HEBP2: variants seen among roughly 807,000 people sequenced by gnomAD.
HEBP2 encodes heme binding protein 2.
HEBP2 carries 27 observed loss-of-function variants against 23.1 expected under a neutral mutation model. The ratio of observed to expected loss-of-function variants is 1.17; its 90% CI spans 0.86 to 1.61. The LOEUF (loss-of-function observed/expected upper bound fraction) is 1.61. Ranked by LOEUF, HEBP2 falls within the 40% of genes most tolerant of loss-of-function variation. The probability of loss-of-function intolerance (pLI) is 0.00; values close to 1 mark genes in which losing one functional copy is unlikely to be tolerated. For missense variants in HEBP2, 245 were observed against 253.8 expected, an observed-to-expected ratio of 0.97 and a Z score of 0.24; for synonymous variants, 99 against 95.1, an observed-to-expected ratio of 1.04 and a Z score of -0.24.
intron 3 of HEBP2, among the ~76,000 whole-genome samples, chr6:138,407,413 T>C (rs1386005187): frequency 1.3e-5 from 2 of 152,238 alleles, no homozygotes; most frequent in Non-Finnish European, 2.9e-5. Flanking sequence ...TTAATTTTCT[T>C]TGACTCAAAG....
rs1270331489 is a variant in HEBP2 at position 138,421,463 on chromosome 6, GA to G, written c.*8386del. The G allele has an allele frequency of 6.6e-6, 1 of 152,208 alleles. No homozygotes were observed. The highest frequency in any genetic ancestry group is 2.4e-5 in the African/African-American group (1 of 41,450). 9.4% of individuals were successfully genotyped at this position (152,208 alleles called of 1,614,324 possible). A position where few individuals can be genotyped will look rare whatever the true frequency, so the allele number is the denominator to read the frequency against. The stretch of plus-strand genomic sequence containing the variant: ...AGGATGGCAGAAAGCAGATCGCATT[GA>G]GGTTGTTTCCAACTGACAGACCAAG... On this transcript the variant is annotated 3_prime_UTR_variant, in exon 4 of 4. Coordinates refer to ENST00000607197, the MANE Select transcript of HEBP2 (RefSeq NM_014320.3).
chr6:138,411,666 C>A (rs1249102642), intron 3 of HEBP2, among the ~76,000 whole-genome samples: 5 of 152,180 alleles, frequency 3.3e-5, no homozygotes, highest in African/African-American at 1.2e-4. Flanking sequence ...TGTTTAAAAC[C>A]CTTCTCAGAG....
intron 3 of HEBP2, chr6:138,412,130 G>A (rs1339943659): frequency 2.3e-6 from 1 of 432,112 alleles, no homozygotes; most frequent in Non-Finnish European, 4.6e-6. Context: ...GTCTGGAAAA[G>A]GGGCTTCTAC....
intron 3 of HEBP2, among the ~76,000 whole-genome samples, chr6:138,409,814 T>A (rs1350557473): frequency 6.6e-6 from 1 of 152,206 alleles, no homozygotes; most frequent in East Asian, 1.9e-4. Context: ...TCACCCTTCA[T>A]GTAACATGCC....
upstream of HEBP2, chr6:138,404,154 C>T (rs555693188): frequency 5.4e-5 from 13 of 239,224 alleles, no homozygotes; most frequent in Middle Eastern, 2.4e-3. Flanking sequence ...TGTGCCTTTC[C>T]TTCAAAAACA....
Position 138,418,591 on chromosome 6 carries a change from A to G in HEBP2, c.*5513A>G, listed in dbSNP as rs1323372932. 6.6e-6 allele frequency: 1 copy of G among 152,308 alleles called. No individual in the cohort carries two copies. The highest frequency in any genetic ancestry group is 1.5e-5 in the Non-Finnish European group (1 of 68,116). The allele number at this position is 152,308 out of a possible 1,614,324, so 9.4% of individuals were successfully genotyped here. On this transcript the variant is annotated 3_prime_UTR_variant, in exon 4 of 4. Transcript: ENST00000607197. ...GCAGTTCCAAGCCAGACCAGAGGAC[A>G]TAAGCAAACTGCAAGAGCAATTACT...
rs1774802094 is a variant in HEBP2 at position 138,414,141 on chromosome 6, G to A, written c.*1063G>A. 6.6e-6 allele frequency: 1 copy of A among 152,452 alleles called. No individual in the cohort carries two copies. The highest frequency in any genetic ancestry group is 2.4e-5 in the African/African-American group (1 of 41,430). 9.4% of individuals were successfully genotyped at this position (152,452 alleles called of 1,614,324 possible). ...GATGAAAGCCAGGGGCAGAGGTGAG[G>A]GGAGCATCTTGGGCAGAGGTGACAG... On this transcript the variant is annotated 3_prime_UTR_variant, in exon 4 of 4. Coordinates refer to ENST00000607197, the MANE Select transcript of HEBP2 (RefSeq NM_014320.3).
Position 138,404,542 on chromosome 6 carries a change from C to A in HEBP2, c.47C>A (p.Ala16Glu). The change falls in exon 1 of 4, where the codon GCG becomes GAG. Residue 16 changes from alanine to glutamate, a missense_variant. Transcript: ENST00000607197. The part of the protein sequence containing the change: ...QPDPGAAEDA[A>E]AQAVETPGWK... ...GACCCCGGGGCGGCCGAGGACGCGG[C>A]GGCCCAAGCTGTGGAGACGCCGGGC... The A allele has an allele frequency of 7.7e-7, 1 of 1,301,942 alleles. No homozygotes were observed. The highest frequency in any genetic ancestry group is 2.9e-4 in the Middle Eastern group (1 of 3,422). 80.6% of individuals were successfully genotyped at this position (1,301,942 alleles called of 1,614,324 possible).
Position 138,405,176 on chromosome 6 carries a change from C to A in HEBP2, c.134C>A (p.Pro45Gln). 6.2e-7 allele frequency: 1 copy of A among 1,613,730 alleles called. No individual in the cohort carries two copies. Among genetic ancestry groups the A allele is most frequent in the Non-Finnish European group, 8.5e-7 (1 of 1,179,890 alleles). ...AGTTATGAGATCCGACACTATGGAC[C>A]AGCCAAGTGGGTCAGCACGTCCGTG... The part of the protein sequence containing the change: ...PGSYEIRHYG[P>Q]AKWVSTSVES... Residue 45 changes from proline to glutamine, a missense_variant, in exon 2 of 4, where the codon CCA becomes CAA. Physicochemically the swap from Pro to Gln is moderately conservative, Grantham distance 76. Transcript: ENST00000607197.
Position 138,406,147 on chromosome 6 carries a change from G to T in HEBP2, c.415G>T (p.Val139Leu), listed in dbSNP as rs1774641743. ...IEDRAEMTVF[V>L]RSFDGFSSAQ... ...AGATAGAGCCGAAATGACTGTGTTTGTACGGTAAGTGGTAGATAATTTATA... is the reference window on the plus strand; with the variant it reads ...AGATAGAGCCGAAATGACTGTGTTTTTACGGTAAGTGGTAGATAATTTATA... The change falls in exon 3 of 4, where the codon GTA (valine) becomes TTA (leucine). Residue 139 changes from valine (V) to leucine (L), a missense_variant. Physicochemically the swap from Val to Leu is conservative, Grantham distance 32. Transcript: ENST00000607197. 1.2e-6 allele frequency: 2 copies of T among 1,613,592 alleles called. No individual in the cohort carries two copies. The highest frequency in any genetic ancestry group is 4.5e-5 in the East Asian group (2 of 44,856).
At position 138,404,297 on chromosome 6, in the gene HEBP2, G is replaced by T. The variant is rs1409667324; in HGVS notation, c.-199G>T. On this transcript the variant is annotated 5_prime_UTR_variant, in exon 1 of 4. Coordinates refer to ENST00000607197, the MANE Select transcript of HEBP2 (RefSeq NM_014320.3). ...CTGTCCGGGGTCGTGAGCCGGCCCC[G>T]CCTTGGTGGCGGCGCCCCCTCGCGG... The T allele has an allele frequency of 5.9e-6, 2 of 339,592 alleles. No individual in the cohort carries two copies. The highest frequency in any genetic ancestry group is 2.2e-5 in the African/African-American group (1 of 46,392). 21.0% of individuals were successfully genotyped at this position (339,592 alleles called of 1,614,324 possible).
intron 3 of HEBP2, among the ~76,000 whole-genome samples, chr6:138,406,967 G>A (rs887698627): frequency 1.3e-5 from 2 of 152,072 alleles, no homozygotes; most frequent in African/African-American, 4.8e-5. Context: ...GGAGGTCGAG[G>A]CTGCAGTGAG....
rs760418705 is a variant in HEBP2 at position 138,406,132 on chromosome 6, G to A, written c.400G>A (p.Glu134Lys). ...AGATGTCTTCATTGAAGATAGAGCCGAAATGACTGTGTTTGTACGGTAAGT... is the reference window on the plus strand; with the variant it reads ...AGATGTCTTCATTGAAGATAGAGCCAAAATGACTGTGTTTGTACGGTAAGT... ...ESDVFIEDRA[E>K]MTVFVRSFDG... Residue 134 changes from glutamate (E) to lysine (K), a missense_variant, in exon 3 of 4, where the codon GAA (glutamate) becomes AAA (lysine). Transcript: ENST00000607197. The A allele has an allele frequency of 4.8e-5, 78 of 1,613,712 alleles. No individual in the cohort carries two copies. The highest frequency in any genetic ancestry group is 6.3e-5 in the Non-Finnish European group (74 of 1,179,892).
At chr6:138,409,717 G>A (rs1774711367) in intron 3 of HEBP2, among the ~76,000 whole-genome samples, 1 of 152,132 alleles carries the variant, frequency 6.6e-6, no homozygotes, top group Non-Finnish European at 1.5e-5. Flanking sequence ...CCCCAGGGAA[G>A]CTCAGATTGT....
In HEBP2 at chr6:138,419,613, G is replaced by C. The variant is rs1774888189; in HGVS notation, c.*6535G>C. On this transcript the variant is annotated 3_prime_UTR_variant, in exon 4 of 4. Transcript: ENST00000607197. Reference sequence around the variant, plus strand: ...GTTGGCATGGCCTGCTTTAGTGCCAGGTGGGAGACAATACCCTGCCAAGAT... The same window carrying C: ...GTTGGCATGGCCTGCTTTAGTGCCACGTGGGAGACAATACCCTGCCAAGAT... 6.6e-6 allele frequency: 1 copy of C among 152,046 alleles called. No individual in the cohort carries two copies. Among genetic ancestry groups the C allele is most frequent in the East Asian group, 1.9e-4 (1 of 5,184 alleles). The allele number at this position is 152,046 out of a possible 1,614,324, so 9.4% of individuals were successfully genotyped here.
In HEBP2 at chr6:138,415,890, T is replaced by C. The variant is rs545587466; in HGVS notation, c.*2812T>C. 3 of 152,236 alleles carry C rather than the reference T, an allele frequency of 2.0e-5. No individual in the cohort carries two copies. In the South Asian group the frequency reaches 6.2e-4, roughly 32 times the overall value. The allele number at this position is 152,236 out of a possible 1,614,324, so 9.4% of individuals were successfully genotyped here. On this transcript the variant is annotated 3_prime_UTR_variant, in exon 4 of 4. Coordinates refer to ENST00000607197, the MANE Select transcript of HEBP2 (RefSeq NM_014320.3). ...ATGAAGAGCTGGAACTACCCTCCCT[T>C]CCTGCCTCTTCCCTAACACAAGGGA... is the stretch of plus-strand genomic sequence containing the variant.
intron 1 of HEBP2, 149 bp downstream of exon 1, chr6:138,404,746 G>A (rs1309176536): frequency 2.0e-6 from 1 of 493,234 alleles, no homozygotes; most frequent in Non-Finnish European, 3.3e-6. Flanking sequence ...GAGAAACCCC[G>A]GTCATTTAGC....
intron 3 of HEBP2, among the ~76,000 whole-genome samples, chr6:138,407,594 T>G (rs1187253770): frequency 3.3e-5 from 5 of 152,230 alleles, no homozygotes; most frequent in Non-Finnish European, 5.9e-5. Flanking sequence ...AGGCTCGAAT[T>G]GCACACCGGT....
chr6:138,406,035 T>C lies in HEBP2; in HGVS notation c.303T>C (p.Ser101=). The part of the protein sequence containing the change: ...SYVEPGSGPF[S]ESTITISLYI... ...TGGAGCCTGGTTCAGGTCCTTTTAG[T>C]GAGTCTACCATTACCATTTCCCTGT... The change falls in exon 3 of 4, where the codon AGT becomes AGC. Residue 101 remains serine (S), a synonymous_variant. Transcript: ENST00000607197. 1 of 1,614,132 alleles carries C rather than the reference T, an allele frequency of 6.2e-7. No individual in the cohort carries two copies. The highest frequency in any genetic ancestry group is 8.5e-7 in the Non-Finnish European group (1 of 1,179,952).
Sources: gnomAD v4.1 joint callset for allele counts (sites outside exome capture counted in the v4.1 genomes callset) on GRCh38, gnomAD v4.1.1 for gene constraint, MANE v1.5 for transcripts, NCBI Gene and HGNC (gene_info 2026-07-23, HGNC 2026-07-21) for gene names.